CSMD3: variants seen among roughly 807,000 people sequenced by gnomAD.
The protein encoded by CSMD3 is CUB and sushi domain-containing protein 3.
CSMD3 carries 177 observed loss-of-function variants against 435.2 expected under a neutral mutation model. The ratio of observed to expected loss-of-function variants is 0.41; its 90% confidence interval spans 0.36 to 0.46. The LOEUF (loss-of-function observed/expected upper bound fraction) is 0.46, where lower values mean the gene tolerates loss of function less well. CSMD3 is among the 20% of genes least tolerant of loss of function. The pLI is 0.34. For missense variants in CSMD3, 4,265 were observed against 4,504.6 expected, an observed-to-expected ratio of 0.95 and a Z score of 1.52; for synonymous variants, 1,656 against 1,520.5, an observed-to-expected ratio of 1.09 and a Z score of -2.07.
chr8:112,379,474 A>G (rs1249620490), intron 38 of CSMD3, among the ~76,000 whole-genome samples: 1 of 152,114 alleles, frequency 6.6e-6, no homozygotes, highest in African/African-American at 2.4e-5. Context: ...CGTCTCAAAC[A>G]AAAACCAAAA....
At chr8:112,505,457 A>T (rs752486088) in intron 29 of CSMD3, among the ~76,000 whole-genome samples, 1 of 152,114 alleles carries the variant, frequency 6.6e-6, no homozygotes, top group African/African-American at 2.4e-5. Flanking sequence ...TTCCTTTTCT[A>T]TATCTGTTGG....
chr8:112,545,506 ATAAT>A (rs1827106751), intron 27 of CSMD3, among the ~76,000 whole-genome samples: 1 of 113,186 alleles, frequency 8.8e-6, no homozygotes, highest in Non-Finnish European at 1.8e-5. Context: ...AAAAAAAATA[ATAAT>A]AATAATAATA....
chr8:112,273,268 T>C lies in CSMD3; in HGVS notation c.9509-7678A>G, dbSNP rs183982240. 2.3e-4 allele frequency among the ~76,000 whole-genome samples: 33 copies of C among 141,356 alleles called. No individual in the cohort carries two copies. The East Asian group carries it at 6.4e-3, about 27-fold the overall frequency. The allele number at this position is 141,356 out of a possible 152,430, so 92.7% of individuals were successfully genotyped here. A position where few individuals can be genotyped will look rare whatever the true frequency, so the allele number is the denominator to read the frequency against. ...GTTATTTATCCATAAATAAACAAAA[T>C]TGTTATTCATTGTAAAAAAAAAATG... On this transcript the variant is annotated intron_variant, in intron 59 of 70. Transcript: ENST00000297405.
rs540371181 is a variant in CSMD3 at position 112,890,301 on chromosome 8, T to C, written c.1634-31035A>G. On this transcript the variant is annotated intron_variant, in intron 10 of 70. Coordinates refer to ENST00000297405, the MANE Select transcript of CSMD3 (RefSeq NM_198123.2). ...CCAGCACTTCTTTTAGAGGGAATGA[T>C]AATGTCTTTGCTATAAGTATCTGGC... is the stretch of plus-strand genomic sequence containing the variant. Among the ~76,000 whole-genome samples, 13 of 151,800 alleles carry C rather than the reference T, an allele frequency of 8.6e-5. No individual in the cohort carries two copies. The East Asian group carries it at 2.5e-3, about 30-fold the overall frequency.
chr8:112,604,465 C>T (rs1279333224), intron 22 of CSMD3, among the ~76,000 whole-genome samples: 3 of 151,948 alleles, frequency 2.0e-5, no homozygotes, highest in Non-Finnish European at 4.4e-5. Context: ...TTAGAGAACC[C>T]AGAAATGAAA....
chr8:113,061,867 G>T (rs2088629447), intron 5 of CSMD3, among the ~76,000 whole-genome samples: 1 of 151,128 alleles, frequency 6.6e-6, no homozygotes. Flanking sequence ...CTAATCTTAT[G>T]ATATAGACTC....
At chr8:113,372,264 TC>T (rs1202011914) in intron 1 of CSMD3, among the ~76,000 whole-genome samples, 1 of 152,208 alleles carries the variant, frequency 6.6e-6, no homozygotes, top group Non-Finnish European at 1.5e-5. Context: ...TTGCACAAAG[TC>T]CATAGTTAGT....
chr8:112,325,486 T>G (rs1170366869), intron 45 of CSMD3, among the ~76,000 whole-genome samples: 1 of 152,134 alleles, frequency 6.6e-6, no homozygotes, highest in Admixed American at 6.6e-5. Context: ...CTATCTATTT[T>G]CTTATACTAG....
At chr8:112,388,657 G>A (rs942957446) in intron 36 of CSMD3, among the ~76,000 whole-genome samples, 2 of 152,140 alleles carry the variant, frequency 1.3e-5, no homozygotes, top group Non-Finnish European at 2.9e-5. Flanking sequence ...AATGTCCAGT[G>A]GGCAGTCGGA....
At chr8:113,038,959 G>C (rs2087479376) in intron 5 of CSMD3, among the ~76,000 whole-genome samples, 1 of 152,102 alleles carries the variant, frequency 6.6e-6, no homozygotes. Context: ...TGGGGAATGA[G>C]TCTCTGTACC....
chr8:112,918,226 A>G (rs1341801407), intron 10 of CSMD3, among the ~76,000 whole-genome samples: 1 of 151,982 alleles, frequency 6.6e-6, no homozygotes, highest in Non-Finnish European at 1.5e-5. Context: ...ACAACAATAA[A>G]TGAATAATAA....
intron 10 of CSMD3, among the ~76,000 whole-genome samples, chr8:112,888,050 TA>T (rs2081662104): frequency 6.6e-6 from 1 of 151,594 alleles, no homozygotes; most frequent in Admixed American, 6.6e-5. Context: ...ATAACAAATA[TA>T]AATCTTGGGA....
chr8:112,993,288 T>C (rs150885161), intron 6 of CSMD3, among the ~76,000 whole-genome samples: 354 of 151,938 alleles, frequency 2.3e-3, no homozygotes, highest in Admixed American at 3.6e-3. Context: ...CAAATATGAC[T>C]GTGAATAATG....
chr8:113,184,486 C>T (rs1223319453), intron 3 of CSMD3, among the ~76,000 whole-genome samples: 1 of 151,980 alleles, frequency 6.6e-6, no homozygotes, highest in African/African-American at 2.4e-5. Context: ...ATTAGCATCA[C>T]TTTGGAGTTT....
At chr8:112,519,651 C>A (rs1586582876) in intron 27 of CSMD3, among the ~76,000 whole-genome samples, 1 of 152,248 alleles carries the variant, frequency 6.6e-6, no homozygotes, top group Non-Finnish European at 1.5e-5. Context: ...ACTTGTTGAG[C>A]ACTTTCTACA....
chr8:112,496,708 G>T (rs995652367), intron 30 of CSMD3, among the ~76,000 whole-genome samples: 9 of 152,202 alleles, frequency 5.9e-5, no homozygotes, highest in Non-Finnish European at 1.2e-4. Context: ...GACAAATTTT[G>T]CATTTTCTTA....
At chr8:113,127,209 G>A (rs935018932) in intron 4 of CSMD3, among the ~76,000 whole-genome samples, 3 of 151,990 alleles carry the variant, frequency 2.0e-5, no homozygotes, top group African/African-American at 4.8e-5. Context: ...AGGAGATTGC[G>A]AATGAAGAAT....
intron 10 of CSMD3, among the ~76,000 whole-genome samples, chr8:112,910,622 G>C (rs2082383931): frequency 6.6e-6 from 1 of 151,766 alleles, no homozygotes; most frequent in Admixed American, 6.6e-5. Context: ...GATCTCACCT[G>C]TATTTTCAAC....
chr8:113,046,102 T>C (rs1290712596), intron 5 of CSMD3, among the ~76,000 whole-genome samples: 4 of 149,226 alleles, frequency 2.7e-5, no homozygotes, highest in Non-Finnish European at 6.0e-5. Flanking sequence ...TATCGGGAAG[T>C]ACCCTCAGCC....
Sources: gnomAD v4.1 joint callset for allele counts (sites outside exome capture counted in the v4.1 genomes callset) on GRCh38, gnomAD v4.1.1 for gene constraint, MANE v1.5 for transcripts, NCBI Gene and HGNC (gene_info 2026-07-23, HGNC 2026-07-21) for gene names.